Variants in MTR observed in about 807,000 individuals in gnomAD.
MTR encodes 5-methyltetrahydrofolate-homocysteine methyltransferase, also known as methionine synthase.
In MTR, 84 loss-of-function variants were observed where a neutral mutation model predicts 154.8. The observed-to-expected ratio is 0.54, with a 90% CI of 0.45 to 0.65. The LOEUF (loss-of-function observed/expected upper bound fraction) is 0.65. Among genes scored for constraint, MTR ranks in the 30% least tolerant of loss-of-function variants. The probability of loss-of-function intolerance (pLI) is 0.00; values close to 1 mark genes in which losing one functional copy is unlikely to be tolerated. For synonymous variants in MTR, 554 were observed against 553.9 expected (o/e 1.00, Z 0.00); for missense variants, 1,275 against 1,570.2 (o/e 0.81, Z 3.18).
In MTR at chr1:236,861,663, T is replaced by C. The variant is rs79234669; in HGVS notation, c.2196+386T>C. 2.9e-3 allele frequency among the ~76,000 whole-genome samples: 439 copies of C among 152,278 alleles called. 1 individual carries two copies. Among genetic ancestry groups the C allele is most frequent in the African/African-American group, 0.01 (426 of 41,554 alleles). On this transcript the variant is annotated intron_variant, in intron 20 of 32. Transcript: ENST00000366577. The stretch of plus-strand genomic sequence containing the variant: ...GTAAGGATGCATATTTTGAGACAAA[T>C]GTTACTGTTTTAAATGACGGTACAT...
At chr1:236,890,225 C>G (rs1666241067) in intron 28 of MTR, among the ~76,000 whole-genome samples, 1 of 152,130 alleles carries the variant, frequency 6.6e-6, no homozygotes, top group Admixed American at 6.5e-5. Context: ...TGGTGATGAG[C>G]AAGGGGCTTC....
chr1:236,870,453 AC>A, intron 22 of MTR, among the ~76,000 whole-genome samples: 1 of 152,246 alleles, frequency 6.6e-6, no homozygotes, highest in Non-Finnish European at 1.5e-5. Context: ...ACTGTAATGT[AC>A]CTTCTTGTCA....
At chr1:236,852,119 T>C (rs1386140554) in intron 16 of MTR, among the ~76,000 whole-genome samples, 1 of 152,224 alleles carries the variant, frequency 6.6e-6, no homozygotes, top group Admixed American at 6.5e-5. Flanking sequence ...ATCGGTATGG[T>C]TGGAACTTCA....
chr1:236,895,695 G>GATAT, intron 31 of MTR, 145 bp downstream of exon 31: 1 of 626,612 alleles, frequency 1.6e-6, no homozygotes. Flanking sequence ...TTCACTCGTA[G>GATAT]CTATTCTGCA....
intron 4 of MTR, among the ~76,000 whole-genome samples, chr1:236,810,052 T>C (rs909460389): frequency 6.6e-6 from 1 of 152,208 alleles, no homozygotes; most frequent in Non-Finnish European, 1.5e-5. Context: ...GTTCAAAACC[T>C]TCAGGGCTTC....
Position 236,815,654 on chromosome 1 carries a change from G to A in MTR, c.660G>A (p.Arg220=), listed in dbSNP as rs1661548735. ...TTTTTGAGGAGAAATATGCTCCCCG[G>A]CCTATCTTTGTAAGTTCTAAAGTGT... ...QNLFEEKYAP[R]PIFISGTIVD... The change falls in exon 7 of 33, where the codon CGG becomes CGA. Residue 220 remains arginine (R), a synonymous_variant. Transcript: ENST00000366577. 2 of 1,612,604 alleles carry A rather than the reference G, an allele frequency of 1.2e-6. No individual in the cohort carries two copies. Among genetic ancestry groups the A allele is most frequent in the South Asian group, 1.1e-5 (1 of 91,002 alleles).
rs1246067737 is a variant in MTR at position 236,795,332 on chromosome 1, GC to G, written c.-371del. The G allele has an allele frequency of 7.7e-7, 1 of 1,296,140 alleles. No homozygotes were observed. The highest frequency in any genetic ancestry group is 2.4e-5 in the Admixed American group (1 of 40,938). 80.3% of individuals were successfully genotyped at this position (1,296,140 alleles called of 1,614,324 possible). A position where few individuals can be genotyped will look rare whatever the true frequency, so the allele number is the denominator to read the frequency against. On this transcript the variant is annotated 5_prime_UTR_variant, in exon 1 of 33. Coordinates refer to ENST00000366577, the MANE Select transcript of MTR (RefSeq NM_000254.3). Reference sequence around the variant, plus strand: ...CTGAAAGGTTCTAAATGTCTGCGGGGCTCAGAGCCGGATGTCACGTCGTCCT... The same window carrying G: ...CTGAAAGGTTCTAAATGTCTGCGGGGTCAGAGCCGGATGTCACGTCGTCCT...
At chr1:236,870,318 T>G (rs1406728005) in intron 22 of MTR, among the ~76,000 whole-genome samples, 1 of 152,218 alleles carries the variant, frequency 6.6e-6, no homozygotes, top group Non-Finnish European at 1.5e-5. Context: ...ACCTCACTGA[T>G]CTGTGGTTAT....
chr1:236,897,310 G>GCGCGCACA lies in MTR; in HGVS notation c.3711+193_3711+194insGCGCACAC. ...ACTTCTACATGCAAGCCACACACAC[G>GCGCGCACA]CACACACACACACACACACACACAC... On this transcript the variant is annotated intron_variant, in intron 32 of 32. Transcript: ENST00000366577. Among the ~76,000 whole-genome samples the GCGCGCACA allele has an allele frequency of 2.6e-4, 34 of 128,680 alleles. No individual in the cohort carries two copies. The East Asian group carries it at 4.3e-3, about 16-fold the overall frequency. The allele number at this position is 128,680 out of a possible 152,430, so 84.4% of individuals were successfully genotyped here. A position where few individuals can be genotyped will look rare whatever the true frequency, so the allele number is the denominator to read the frequency against.
At chr1:236,805,565 A>G (rs907596781) in intron 2 of MTR, among the ~76,000 whole-genome samples, 1 of 152,150 alleles carries the variant, frequency 6.6e-6, no homozygotes. Flanking sequence ...ACTCTAGCCC[A>G]CTGTGGCTCA....
At chr1:236,886,428 A>T in intron 27 of MTR, 61 bp downstream of exon 27, 1 of 1,511,806 alleles carries the variant, frequency 6.6e-7, no homozygotes, top group Non-Finnish European at 9.2e-7. Context: ...TGCTGAGGAA[A>T]TACATGCATT....
intron 15 of MTR, among the ~76,000 whole-genome samples, chr1:236,841,113 G>T (rs1374909788): frequency 2.0e-5 from 3 of 152,104 alleles, no homozygotes; most frequent in African/African-American, 7.2e-5. Flanking sequence ...GCTGATTCTT[G>T]TAGCATCTAC....
chr1:236,831,899 GT>G (rs1389834597), intron 12 of MTR, 66 bp from the exon 13 acceptor site: 20 of 1,106,940 alleles, frequency 1.8e-5, no homozygotes, highest in Non-Finnish European at 2.8e-5. Flanking sequence ...GAATACATTT[GT>G]GTCTGTCTGT....
chr1:236,839,901 A>G (rs1170715607), intron 15 of MTR, among the ~76,000 whole-genome samples: 1 of 152,230 alleles, frequency 6.6e-6, no homozygotes, highest in Non-Finnish European at 1.5e-5. Context: ...ATATTGAAAA[A>G]TGAAAAAAAT....
At chr1:236,818,404 C>T (rs1280569721) in intron 8 of MTR, among the ~76,000 whole-genome samples, 1 of 152,152 alleles carries the variant, frequency 6.6e-6, no homozygotes, top group Non-Finnish European at 1.5e-5. Flanking sequence ...TCAAGGGCCC[C>T]TTAGAGGACG....
intron 27 of MTR, among the ~76,000 whole-genome samples, chr1:236,886,677 A>G (rs1666026786): frequency 6.6e-6 from 1 of 152,170 alleles, no homozygotes; most frequent in Non-Finnish European, 1.5e-5. Context: ...TGGAAACTTG[A>G]AAGGTTACTA....
At chr1:236,896,780 C>T (rs1279262614) in intron 31 of MTR, among the ~76,000 whole-genome samples, 2 of 152,112 alleles carry the variant, frequency 1.3e-5, no homozygotes, top group African/African-American at 2.4e-5. Flanking sequence ...AGGCCTGTCC[C>T]CCTGGGTTAG....
rs571901048 is a variant in MTR, at chr1:236,874,709, A to C, written c.2474-17A>C. ...CTGTCCTTTTTGTCCTTTTTTTTTT[A>C]AAAAAAAAAAAAATAGATATAATTG... is the stretch of plus-strand genomic sequence containing the variant. On this transcript the variant is annotated splice_polypyrimidine_tract_variant and intron_variant, in intron 23 of 32. Transcript: ENST00000366577. The C allele has an allele frequency of 1.7e-5, 13 of 748,286 alleles. No homozygotes were observed. The highest frequency in any genetic ancestry group is 2.2e-5 in the Non-Finnish European group (12 of 550,512). The allele number at this position is 748,286 out of a possible 1,614,324, so 46.4% of individuals were successfully genotyped here. A position where few individuals can be genotyped will look rare whatever the true frequency, so the allele number is the denominator to read the frequency against.
intron 8 of MTR, among the ~76,000 whole-genome samples, chr1:236,817,672 CCT>C (rs906382120): frequency 6.6e-6 from 1 of 152,028 alleles, no homozygotes; most frequent in Non-Finnish European, 1.5e-5. Context: ...GCTTTTAACC[CCT>C]GTGTTAGATC....
Sources: allele counts gnomAD v4.1 joint callset (sites outside exome capture counted in the v4.1 genomes callset), GRCh38; gene constraint gnomAD v4.1.1; transcripts MANE v1.5; gene names NCBI Gene and HGNC (gene_info 2026-07-23, HGNC 2026-07-21).